Variants in DGKB observed in about 807,000 individuals in gnomAD.
DGKB encodes 90 kDa diacylglycerol kinase.
In DGKB, 67 loss-of-function variants were observed where a neutral mutation model predicts 114.3. That is an observed-to-expected ratio of 0.59 (90% CI 0.48 to 0.72). The LOEUF (loss-of-function observed/expected upper bound fraction) is 0.72, where lower values mean the gene tolerates loss of function less well. Ranked by LOEUF, DGKB falls within the 30% of genes least tolerant of loss-of-function variation. The probability of loss-of-function intolerance (pLI) is 0.00; values close to 1 mark genes in which losing one functional copy is unlikely to be tolerated. For synonymous variants in DGKB, 398 were observed against 323.1 expected, an observed-to-expected ratio of 1.23 and a Z score of -2.49; for missense variants, 907 against 975.2, an observed-to-expected ratio of 0.93 and a Z score of 0.93.
chr7:14,909,277 C>T (rs13243346), intron 1 of DGKB, among the ~76,000 whole-genome samples: 3,279 of 152,100 alleles, frequency 0.022, 53 homozygotes, highest in South Asian at 0.059. Context: ...TATATTATAA[C>T]CATATTTTAA....
intron 22 of DGKB, among the ~76,000 whole-genome samples, chr7:14,343,854 A>G (rs1812026312): frequency 6.8e-6 from 1 of 147,786 alleles, no homozygotes; most frequent in African/African-American, 2.4e-5. Flanking sequence ...TATGTATATA[A>G]CAATACATAT....
At chr7:14,916,658 G>A (rs974593149) in intron 1 of DGKB, among the ~76,000 whole-genome samples, 1 of 152,126 alleles carries the variant, frequency 6.6e-6, no homozygotes, top group Non-Finnish European at 1.5e-5. Flanking sequence ...GGCAAAAAAT[G>A]ATAGAAAGAG....
chr7:14,840,992 G>C (rs776628469), intron 2 of DGKB, among the ~76,000 whole-genome samples: 1 of 152,000 alleles, frequency 6.6e-6, no homozygotes, highest in Non-Finnish European at 1.5e-5. Flanking sequence ...TTTCCTTCAA[G>C]ATGTAATACT....
At chr7:14,810,757 C>T (rs931640335) in intron 2 of DGKB, among the ~76,000 whole-genome samples, 1 of 152,070 alleles carries the variant, frequency 6.6e-6, no homozygotes, top group African/African-American at 2.4e-5. Context: ...TACAGGCATG[C>T]GCCACCATGC....
intron 2 of DGKB, among the ~76,000 whole-genome samples, chr7:14,819,474 C>T (rs1311460799): frequency 6.6e-6 from 1 of 152,052 alleles, no homozygotes; most frequent in Non-Finnish European, 1.5e-5. Context: ...CCTGTGGTCC[C>T]AGCTATTCGG....
At chr7:14,179,088 A>T (rs980198992) in intron 23 of DGKB, among the ~76,000 whole-genome samples, 19 of 152,232 alleles carry the variant, frequency 1.2e-4, no homozygotes, top group African/African-American at 4.1e-4. Context: ...CAATCATATG[A>T]AAAGGACAGA....
chr7:14,161,054 T>G (rs1783802343), intron 25 of DGKB, among the ~76,000 whole-genome samples: 1 of 152,110 alleles, frequency 6.6e-6, no homozygotes, highest in Admixed American at 6.6e-5. Context: ...AACACACATA[T>G]GAGAAAAAGC....
chr7:14,950,490 C>T (rs985821529), intron 1 of DGKB, among the ~76,000 whole-genome samples: 1 of 151,682 alleles, frequency 6.6e-6, no homozygotes, highest in African/African-American at 2.4e-5. Flanking sequence ...TTATAATGAT[C>T]AGGTATTAAC....
intron 2 of DGKB, among the ~76,000 whole-genome samples, chr7:14,818,830 G>A (rs189868827): frequency 6.6e-6 from 1 of 152,226 alleles, no homozygotes; most frequent in East Asian, 1.9e-4. Context: ...ACATATTAGG[G>A]GTGGTAGGAT....
chr7:14,884,654 A>G (rs1854745694), intron 1 of DGKB, among the ~76,000 whole-genome samples: 2 of 151,830 alleles, frequency 1.3e-5, no homozygotes, highest in African/African-American at 4.8e-5. Flanking sequence ...GGAAAAATAA[A>G]CCCTCATCTC....
intron 1 of DGKB, among the ~76,000 whole-genome samples, chr7:14,955,884 C>T (rs529870879): frequency 9.6e-4 from 146 of 152,004 alleles, no homozygotes; most frequent in African/African-American, 3.2e-3. Flanking sequence ...ATCCTCATAA[C>T]CTAATTTGAT....
chr7:14,229,306 C>T (rs1403403255), intron 23 of DGKB, among the ~76,000 whole-genome samples: 3 of 151,910 alleles, frequency 2.0e-5, no homozygotes, highest in African/African-American at 7.2e-5. Context: ...ATTGTGAGAG[C>T]ATCAAAGAGT....
At chr7:14,298,481 G>A (rs377411294) in intron 23 of DGKB, among the ~76,000 whole-genome samples, 1 of 152,174 alleles carries the variant, frequency 6.6e-6, no homozygotes. Flanking sequence ...AATATATGAT[G>A]TTGGGAAAAC....
chr7:14,797,636 A>T (rs1841577947), intron 2 of DGKB, among the ~76,000 whole-genome samples: 1 of 151,626 alleles, frequency 6.6e-6, no homozygotes, highest in African/African-American at 2.4e-5. Flanking sequence ...AATATTTACC[A>T]TCTATTTATT....
At chr7:14,640,776 A>G (rs1034592498) in intron 13 of DGKB, among the ~76,000 whole-genome samples, 1 of 152,220 alleles carries the variant, frequency 6.6e-6, no homozygotes, top group African/African-American at 2.4e-5. Context: ...ATAGTAAAAC[A>G]GAGAAAGTCA....
intron 19 of DGKB, among the ~76,000 whole-genome samples, chr7:14,577,469 T>A (rs1468143106): frequency 6.6e-6 from 1 of 152,024 alleles, no homozygotes; most frequent in Non-Finnish European, 1.5e-5. Context: ...TACAAAAAAT[T>A]AGCCTGGCAA....
At chr7:14,163,288 A>G (rs75545626) in intron 25 of DGKB, among the ~76,000 whole-genome samples, 39 of 152,300 alleles carry the variant, frequency 2.6e-4, no homozygotes, top group South Asian at 2.1e-4. Flanking sequence ...TTACATCTTA[A>G]CATTGTTGCT....
At chr7:14,388,085 G>T (rs1455389810) in intron 21 of DGKB, among the ~76,000 whole-genome samples, 3 of 151,062 alleles carry the variant, frequency 2.0e-5, no homozygotes, top group Non-Finnish European at 4.4e-5. Flanking sequence ...CACCTTCTTG[G>T]CCAGGCTGGT....
intron 1 of DGKB, among the ~76,000 whole-genome samples, chr7:14,887,050 C>T (rs938582786): frequency 6.6e-6 from 1 of 151,900 alleles, no homozygotes; most frequent in Non-Finnish European, 1.5e-5. Flanking sequence ...CTTTCAGATT[C>T]TCTTGACTAG....
Sources: gnomAD v4.1 joint callset for allele counts (sites outside exome capture counted in the v4.1 genomes callset) on GRCh38, gnomAD v4.1.1 for gene constraint, MANE v1.5 for transcripts, NCBI Gene and HGNC (gene_info 2026-07-23, HGNC 2026-07-21) for gene names.